The following ANO1 variants were observed in gnomAD, a reference collection of about 807,000 sequenced individuals.
ANO1 encodes anoctamin 1, also known as anoctamin-1.
ANO1 carries 59 observed loss-of-function variants against 124.0 expected under a neutral mutation model. The ratio of observed to expected loss-of-function variants is 0.48; its 90% CI spans 0.39 to 0.59. The LOEUF is 0.59. Ranked by LOEUF, ANO1 falls within the 20% of genes least tolerant of loss-of-function variation. ANO1 has a pLI of 0.00. For missense variants in ANO1, 1,059 were observed against 1,328.0 expected, an observed-to-expected ratio of 0.80 and a Z score of 3.15; for synonymous variants, 529 against 532.0, an observed-to-expected ratio of 0.99 and a Z score of 0.08.
Position 70,044,779 on chromosome 11 carries a change from C to T in ANO1, c.59-33763C>T, listed in dbSNP as rs151146751. Among the ~76,000 whole-genome samples the T allele has an allele frequency of 2.2e-3, 328 of 152,118 alleles. 1 individual carries two copies. The highest frequency in any genetic ancestry group is 7.3e-3 in the African/African-American group (301 of 41,504). The stretch of plus-strand genomic sequence containing the variant: ...ACTGTTATGATCACAAAGGCTGTTA[C>T]GATGATAAAGGCTGAAACTGTTCCG... On this transcript the variant is annotated intron_variant, in intron 1 of 27. Transcript: ENST00000531349.
At chr11:70,086,183 T>C (rs1297835005) in intron 1 of ANO1, among the ~76,000 whole-genome samples, 2 of 152,250 alleles carry the variant, frequency 1.3e-5, no homozygotes, top group Non-Finnish European at 2.9e-5. Context: ...GGCACAGCTC[T>C]GTGGACCATT....
upstream of ANO1, among the ~76,000 whole-genome samples, chr11:69,981,705 T>C (rs572370386): frequency 7.0e-4 from 106 of 152,334 alleles, no homozygotes; most frequent in African/African-American, 2.4e-3. Flanking sequence ...CACTGAGCTC[T>C]CTGCCCAGCC....
intron 6 of ANO1, chr11:70,111,198 G>A: frequency 2.2e-6 from 1 of 458,214 alleles, no homozygotes; most frequent in Non-Finnish European, 4.4e-6. Flanking sequence ...TATGGTAAGT[G>A]TGGGCCTCCT....
intron 1 of ANO1, among the ~76,000 whole-genome samples, chr11:70,023,233 A>G (rs1555002802): frequency 6.6e-6 from 1 of 152,204 alleles, no homozygotes; most frequent in Non-Finnish European, 1.5e-5. Flanking sequence ...AATGCATGCC[A>G]TGGCTCTGAG....
At chr11:70,040,446 CAA>C (rs1258015521) in intron 1 of ANO1, among the ~76,000 whole-genome samples, 1 of 152,084 alleles carries the variant, frequency 6.6e-6, no homozygotes, top group Non-Finnish European at 1.5e-5. Flanking sequence ...CCAGATATTG[CAA>C]AAAAGTTACA....
At chr11:70,062,507 C>T (rs1857611034) in intron 1 of ANO1, among the ~76,000 whole-genome samples, 1 of 152,228 alleles carries the variant, frequency 6.6e-6, no homozygotes, top group East Asian at 1.9e-4. Context: ...CAACTGAGAA[C>T]TTGTGTGCAT....
intron 1 of ANO1, among the ~76,000 whole-genome samples, chr11:70,033,000 C>T (rs904273580): frequency 1.4e-4 from 21 of 152,154 alleles, no homozygotes; most frequent in Admixed American, 1.3e-4. Flanking sequence ...ACGGCGTGCC[C>T]GGTTCCCTTA....
intron 7 of ANO1, 31 bp downstream of exon 7, chr11:70,111,793 G>T: frequency 6.2e-7 from 1 of 1,612,750 alleles, no homozygotes; most frequent in Non-Finnish European, 8.5e-7. Flanking sequence ...ATTTATCTCT[G>T]CGTCATTTGA....
Position 70,182,677 on chromosome 11 carries a change from A to G in ANO1, c.2579A>G (p.Gln860Arg). The part of the protein sequence containing the change: ...NDPLDLGYEV[Q>R]ICRYKDYREP... ...CCCCTGGACCTGGGCTACGAGGTGC[A>G]GATCTGCAGGTACTGCTCTCTGCTC... The change falls in exon 24 of 26, where the codon CAG becomes CGG. Residue 860 changes from glutamine to arginine, a missense_variant. Around this residue, in one of 2 missense-constraint regions of ANO1, gnomAD observed 809 missense variants for 1,094.9 expected, o/e 0.74. Transcript: ENST00000355303. 2 of 1,591,698 alleles carry G rather than the reference A, an allele frequency of 1.3e-6. No individual in the cohort carries two copies. The highest frequency in any genetic ancestry group is 1.7e-6 in the Non-Finnish European group (2 of 1,168,918).
intron 2 of ANO1, among the ~76,000 whole-genome samples, chr11:70,089,997 TTG>T (rs2044559723): frequency 1.2e-3 from 2 of 1,614 alleles, no homozygotes; most frequent in East Asian, 0.12. Context: ...CAGGGTTTGT[TTG>T]TTTGTTTGTT....
chr11:69,998,174 C>T (rs531730405), intron 1 of ANO1, among the ~76,000 whole-genome samples: 1 of 152,184 alleles, frequency 6.6e-6, no homozygotes, highest in Non-Finnish European at 1.5e-5. Flanking sequence ...GTGTTTTAGA[C>T]TGAGCTGTAA....
chr11:70,053,991 A>G (rs1280671215), intron 1 of ANO1, among the ~76,000 whole-genome samples: 1 of 152,228 alleles, frequency 6.6e-6, no homozygotes, highest in Non-Finnish European at 1.5e-5. Context: ...TACTGACATT[A>G]TCTTTTTCCT....
At chr11:69,976,530 AAAAAAAAAAAAAAAAAAAAAAAAAGAG>A in the ANO1 span, among the ~76,000 whole-genome samples, 4 of 22,514 alleles carry the variant, frequency 1.8e-4, no homozygotes, top group African/African-American at 2.5e-4. Flanking sequence ...AAAAAAAAAA[AAAAAAAAAAAAAAAAAAAAAAAAAGAG>A]AGAGAGAGAG....
Position 70,042,206 on chromosome 11 carries a change from A to G in ANO1, c.59-36336A>G, listed in dbSNP as rs1186154611. 2.0e-5 allele frequency among the ~76,000 whole-genome samples: 3 copies of G among 152,156 alleles called. No individual in the cohort carries two copies. The East Asian group carries it at 5.8e-4, about 29-fold the overall frequency. ...GCCTTAAGCAACAAACAGACAAAAT[A>G]TAGGAAGCAGTGGCTTTGAAATGTG... On this transcript the variant is annotated intron_variant, in intron 1 of 27. Coordinates refer to the ANO1 transcript ENST00000531349.
intron 1 of ANO1, among the ~76,000 whole-genome samples, chr11:70,040,600 G>T (rs1457297193): frequency 2.6e-5 from 4 of 152,150 alleles, no homozygotes; most frequent in African/African-American, 7.2e-5. Context: ...GCTTGAGCCT[G>T]GGAGGCGGAG....
chr11:70,131,810 G>C, intron 10 of ANO1, 109 bp from the exon 11 acceptor site: 1 of 1,373,700 alleles, frequency 7.3e-7, no homozygotes, highest in Non-Finnish European at 9.8e-7. Context: ...AGGGACCCTC[G>C]CCAACCCCCA....
chr11:70,168,403 G>A (rs887171324), intron 21 of ANO1, among the ~76,000 whole-genome samples: 2 of 151,624 alleles, frequency 1.3e-5, no homozygotes, highest in South Asian at 2.1e-4. Context: ...GCCCCTCCCC[G>A]ACACGGCCAC....
At chr11:69,986,909 T>C (rs1405547794) in intron 1 of ANO1, among the ~76,000 whole-genome samples, 1 of 152,184 alleles carries the variant, frequency 6.6e-6, no homozygotes, top group East Asian at 1.9e-4. Context: ...AATTACACGC[T>C]GAGCTCTGCC....
rs370034370 is a variant in ANO1 at position 70,163,248 on chromosome 11, C to T, written c.1893-35C>T. 102 of 1,608,132 alleles carry T rather than the reference C, an allele frequency of 6.3e-5. No homozygotes were observed. The African/African-American group carries it at 1.1e-3, about 17-fold the overall frequency. Reference sequence around the variant, plus strand: ...CTCTCCCCGAGCTGAGCCAGGGGCTCATCTTTTCTCTAACGACCTCCCCCA... The same window carrying T: ...CTCTCCCCGAGCTGAGCCAGGGGCTTATCTTTTCTCTAACGACCTCCCCCA... On this transcript the variant is annotated intron_variant, in intron 18 of 25. Transcript: ENST00000355303.
Sources: gnomAD v4.1 joint callset for allele counts (sites outside exome capture counted in the v4.1 genomes callset) on GRCh38, gnomAD v4.1.1 for gene constraint, gnomAD v4.1.1 regional missense constraint, MANE v1.5 for transcripts, NCBI Gene and HGNC (gene_info 2026-07-23, HGNC 2026-07-21) for gene names.